Variants in BMP8B observed in about 807,000 individuals in gnomAD.
BMP8B encodes the protein bone morphogenetic protein 8b, also known as bone morphogenetic protein 8 (osteogenic protein 2).
A neutral mutation model predicts 30.3 loss-of-function variants in BMP8B; 17 were observed. The ratio of observed to expected loss-of-function variants is 0.56; its 90% CI spans 0.38 to 0.84. The LOEUF is 0.84. Among genes scored for constraint, BMP8B ranks in the 40% least tolerant of loss-of-function variants. BMP8B has a pLI of 0.00. For synonymous variants in BMP8B, 131 were observed against 214.7 expected (o/e 0.61, Z 3.41); for missense variants, 253 against 494.6 (o/e 0.51, Z 4.63).
At position 39,760,315 on chromosome 1, in the gene BMP8B, G is replaced by A; in HGVS notation, c.*104C>T. ...GTACGTGGTTGTGAGGGTCCTCCCT[G>A]GCAATGCCCCGGCCTGGGGTCTGGC... is the stretch of plus-strand genomic sequence containing the variant. On this transcript the variant is annotated 3_prime_UTR_variant, in exon 7 of 7. Coordinates refer to ENST00000372827, the MANE Select transcript of BMP8B (RefSeq NM_001720.5). 1 of 1,535,392 alleles carries A rather than the reference G, an allele frequency of 6.5e-7. No individual in the cohort carries two copies. The highest frequency in any genetic ancestry group is 1.8e-4 in the Middle Eastern group (1 of 5,544).
rs969129986 is a variant in BMP8B, at chr1:39,758,936, G to T, written c.*1483C>A. 8 of 152,288 alleles carry T rather than the reference G, an allele frequency of 5.3e-5. No homozygotes were observed. Among genetic ancestry groups the T allele is most frequent in the African/African-American group, 1.9e-4 (8 of 41,464 alleles). The allele number at this position is 152,288 out of a possible 1,614,324, so 9.4% of individuals were successfully genotyped here. On this transcript the variant is annotated 3_prime_UTR_variant, in exon 7 of 7. Coordinates refer to ENST00000372827, the MANE Select transcript of BMP8B (RefSeq NM_001720.5). ...GCTTTCCCCAGGCCCCTCCCTGGGG[G>T]TGCAGCACGTGAACTCCAGAGAGGC...
At position 39,788,098 on chromosome 1, in the gene BMP8B, C is replaced by A; in HGVS notation, c.334+54G>T. 4 of 1,458,016 alleles carry A rather than the reference C, an allele frequency of 2.7e-6. No homozygotes were observed. Among genetic ancestry groups the A allele is most frequent in the East Asian group, 2.7e-5 (1 of 36,424 alleles). The allele number at this position is 1,458,016 out of a possible 1,614,324, so 90.3% of individuals were successfully genotyped here. Reference sequence around the variant, plus strand: ...CCGGCACAGCCCGCGGATGCGCGCCCCTCCCCTGCAGCCAGCTTACTCCGA... The same window carrying A: ...CCGGCACAGCCCGCGGATGCGCGCCACTCCCCTGCAGCCAGCTTACTCCGA... On this transcript the variant is annotated intron_variant, in intron 1 of 6. Transcript: ENST00000372827. The surrounding 1 kb of genome is among the most constrained non-coding windows in gnomAD (Gnocchi z 5.8).
At chr1:39,767,294 G>C (rs1208531971) in intron 3 of BMP8B, among the ~76,000 whole-genome samples, 1 of 151,854 alleles carries the variant, frequency 6.6e-6, no homozygotes, top group Non-Finnish European at 1.5e-5. Context: ...GGCCCAGAGA[G>C]AGCAGCAACT....
intron 1 of BMP8B, among the ~76,000 whole-genome samples, chr1:39,780,574 T>C (rs1003918248): frequency 6.6e-6 from 1 of 152,200 alleles, no homozygotes; most frequent in African/African-American, 2.4e-5. Context: ...GATGGGATTT[T>C]CACTTCAGGA....
intron 1 of BMP8B, among the ~76,000 whole-genome samples, chr1:39,781,522 G>A (rs1243484450): frequency 6.6e-6 from 1 of 152,204 alleles, no homozygotes; most frequent in African/African-American, 2.4e-5. Flanking sequence ...AGGAAACTGA[G>A]GCTCAGAGCA....
intron 6 of BMP8B, chr1:39,762,587 G>A: frequency 1.3e-6 from 2 of 1,549,808 alleles, no homozygotes; most frequent in Non-Finnish European, 8.7e-7. Flanking sequence ...GAGAGAAACT[G>A]GGGGAAAAGC....
chr1:39,781,183 A>G (rs938165524), intron 1 of BMP8B, among the ~76,000 whole-genome samples: 1 of 152,202 alleles, frequency 6.6e-6, no homozygotes, highest in African/African-American at 2.4e-5. Context: ...CTTGCTAAGG[A>G]GTGTTCATAG....
rs765967784 is a variant in BMP8B at position 39,763,134 on chromosome 1, G to A, written c.1017C>T (p.Asp339=). The A allele has an allele frequency of 1.2e-6, 2 of 1,614,130 alleles. No individual in the cohort carries two copies. Among genetic ancestry groups the A allele is most frequent in the South Asian group, 2.2e-5 (2 of 91,082 alleles). The change falls in exon 6 of 7, where the codon GAC becomes GAT. Residue 339 remains aspartate, a synonymous_variant. Coordinates refer to ENST00000372827, the MANE Select transcript of BMP8B (RefSeq NM_001720.5). ...CGTGGTTGGTGGCATTCATGCAGGAGTCCAGTGGGAAGGAGCACTCCCCCT... is the reference window on the plus strand; with the variant it reads ...CGTGGTTGGTGGCATTCATGCAGGAATCCAGTGGGAAGGAGCACTCCCCCT... ...YCEGECSFPL[D]SCMNATNHAI... is the part of the protein sequence containing the mutation.
At chr1:39,787,671 G>C (rs1299239730) in intron 1 of BMP8B, among the ~76,000 whole-genome samples, 3 of 152,092 alleles carry the variant, frequency 2.0e-5, no homozygotes, top group Non-Finnish European at 4.4e-5. Context: ...CCCCACCCAG[G>C]CTCCGCACAG....
rs1021923109 is a variant in BMP8B at position 39,758,857 on chromosome 1, G to A, written c.*1562C>T. Reference sequence around the variant, plus strand: ...ATGGAGGCCCTCCCTGGTCCAGGTGGAGGGGCTGCTGTCCCGCAGTGTGGC... The same window carrying A: ...ATGGAGGCCCTCCCTGGTCCAGGTGAAGGGGCTGCTGTCCCGCAGTGTGGC... On this transcript the variant is annotated 3_prime_UTR_variant, in exon 7 of 7. Coordinates refer to ENST00000372827, the MANE Select transcript of BMP8B (RefSeq NM_001720.5). The A allele has an allele frequency of 6.6e-6, 1 of 152,224 alleles. No homozygotes were observed. The highest frequency in any genetic ancestry group is 1.5e-5 in the Non-Finnish European group (1 of 68,068). 9.4% of individuals were successfully genotyped at this position (152,224 alleles called of 1,614,324 possible). A position where few individuals can be genotyped will look rare whatever the true frequency, so the allele number is the denominator to read the frequency against.
intron 1 of BMP8B, among the ~76,000 whole-genome samples, chr1:39,777,891 C>A (rs1240524285): frequency 6.6e-6 from 1 of 152,180 alleles, no homozygotes; most frequent in East Asian, 1.9e-4. Flanking sequence ...GCTGCTCTCC[C>A]CGGGTGGCCC....
At chr1:39,762,703 G>T in intron 6 of BMP8B, 1 of 1,470,096 alleles carries the variant, frequency 6.8e-7, no homozygotes, top group South Asian at 1.4e-5. Context: ...TATCACGGGC[G>T]GTCAGACTTG....
chr1:39,762,548 G>A lies in BMP8B; in HGVS notation c.1059+544C>T, dbSNP rs915608380. ...CCAGATACCAAGGCATCAAAAGCCA[G>A]GGGATCCAGAAAAAACAAAGATGGC... On this transcript the variant is annotated intron_variant, in intron 6 of 6. Coordinates refer to ENST00000372827, the MANE Select transcript of BMP8B (RefSeq NM_001720.5). 9.0e-6 allele frequency: 14 copies of A among 1,550,260 alleles called. No individual in the cohort carries two copies. In the Admixed American group the frequency reaches 2.0e-4, roughly 22 times the overall value.
chr1:39,769,776 C>T (rs150795467), intron 3 of BMP8B: 85,682 of 1,025,358 alleles, frequency 0.084, 65 homozygotes, highest in East Asian at 0.21. Flanking sequence ...TTTTTGATGT[C>T]GTCCACCGTC....
In BMP8B at chr1:39,760,128, C is replaced by T. The variant is rs911840065; in HGVS notation, c.*291G>A. ...ACCTCAGACAGGACTTCTGTGCCAA[C>T]CCCAAAGAACCAGCCAGGACATGCC... is the stretch of plus-strand genomic sequence containing the variant. On this transcript the variant is annotated 3_prime_UTR_variant, in exon 7 of 7. Transcript: ENST00000372827. 1 of 468,038 alleles carries T rather than the reference C, an allele frequency of 2.1e-6. No individual in the cohort carries two copies. The highest frequency in any genetic ancestry group is 3.9e-6 in the Non-Finnish European group (1 of 259,450). The allele number at this position is 468,038 out of a possible 1,614,324, so 29.0% of individuals were successfully genotyped here.
In BMP8B at chr1:39,759,910, CA is replaced by C. The variant is rs1648704301; in HGVS notation, c.*508del. On this transcript the variant is annotated 3_prime_UTR_variant, in exon 7 of 7. Coordinates refer to ENST00000372827, the MANE Select transcript of BMP8B (RefSeq NM_001720.5). ...TCAGATCCATGAATATACAATACTT[CA>C]GGGGTTATCCAGTTTTATACCCCAC... 1 of 165,298 alleles carries C rather than the reference CA, an allele frequency of 6.0e-6. No individual in the cohort carries two copies. The highest frequency in any genetic ancestry group is 2.4e-5 in the African/African-American group (1 of 41,744). The allele number at this position is 165,298 out of a possible 1,614,324, so 10.2% of individuals were successfully genotyped here.
chr1:39,760,388 G>T lies in BMP8B; in HGVS notation c.*31C>A. ...CTGAGGGGCCCGATCCAGATGAGAAGGGTGGCTGCAGCTGGGCCGGGCGGG... is the reference window on the plus strand; with the variant it reads ...CTGAGGGGCCCGATCCAGATGAGAATGGTGGCTGCAGCTGGGCCGGGCGGG... On this transcript the variant is annotated 3_prime_UTR_variant, in exon 7 of 7. Transcript: ENST00000372827. The T allele has an allele frequency of 5.0e-6, 8 of 1,611,936 alleles. No homozygotes were observed. Among genetic ancestry groups the T allele is most frequent in the Non-Finnish European group, 6.8e-6 (8 of 1,179,790 alleles).
intron 1 of BMP8B, among the ~76,000 whole-genome samples, chr1:39,782,459 C>CTAGGT (rs3062778): frequency 1.3e-5 from 2 of 151,274 alleles, no homozygotes; most frequent in Non-Finnish European, 3.0e-5. Context: ...CAGACACTTG[C>CTAGGT]TTTGTTTTTG....
At chr1:39,766,658 C>T (rs1260459446) in intron 3 of BMP8B, among the ~76,000 whole-genome samples, 2 of 142,130 alleles carry the variant, frequency 1.4e-5, no homozygotes, top group African/African-American at 5.6e-5. Context: ...CTCCCTCCCT[C>T]TCACGAGCAT....
Sources: allele counts gnomAD v4.1 joint callset (sites outside exome capture counted in the v4.1 genomes callset), GRCh38; gene constraint gnomAD v4.1.1; non-coding constraint Gnocchi (gnomAD v3.1); transcripts MANE v1.5; gene names NCBI Gene and HGNC (gene_info 2026-07-23, HGNC 2026-07-21).